The following PDZD2 variants were observed in gnomAD, a reference collection of about 807,000 sequenced individuals.
PDZD2 encodes PDZ domain containing 2, also known as PDZ domain-containing protein 2.
A neutral mutation model predicts 220.7 loss-of-function variants in PDZD2; 90 were observed. The observed-to-expected ratio is 0.41, with a 90% confidence interval of 0.34 to 0.49. The LOEUF is 0.49. PDZD2 is among the 20% of genes least tolerant of loss of function. PDZD2 has a pLI of 0.28. For synonymous variants in PDZD2, 1,375 were observed against 1,450.5 expected (o/e 0.95, Z 1.18); for missense variants, 3,174 against 3,608.5 (o/e 0.88, Z 3.08).
intron 2 of PDZD2, among the ~76,000 whole-genome samples, chr5:31,812,031 TAAATAAAA>T (rs1263783414): frequency 3.3e-4 from 48 of 143,892 alleles, no homozygotes; most frequent in Non-Finnish European, 4.6e-4. Context: ...AATAAATAAA[TAAATAAAA>T]ATTCAAGCTC....
At chr5:31,836,166 T>G (rs1756929474) in intron 2 of PDZD2, among the ~76,000 whole-genome samples, 1 of 152,050 alleles carries the variant, frequency 6.6e-6, no homozygotes, top group Admixed American at 6.6e-5. Context: ...AACAGCACAG[T>G]AATGGTATTT....
intron 14 of PDZD2, among the ~76,000 whole-genome samples, chr5:32,064,668 A>C (rs1740038463): frequency 6.6e-6 from 1 of 152,094 alleles, no homozygotes; most frequent in Non-Finnish European, 1.5e-5. Flanking sequence ...CCTTTCAGCA[A>C]CTCAAAATGT....
chr5:31,952,164 G>T (rs531435010), intron 2 of PDZD2, among the ~76,000 whole-genome samples: 20 of 152,322 alleles, frequency 1.3e-4, no homozygotes, highest in African/African-American at 4.8e-4. Flanking sequence ...ACTGTTTTCA[G>T]TTTAAAGTTG....
chr5:31,903,227 G>A (rs1742267970), intron 2 of PDZD2, among the ~76,000 whole-genome samples: 1 of 152,010 alleles, frequency 6.6e-6, no homozygotes, highest in Admixed American at 6.6e-5. Context: ...CCGGGAGGCA[G>A]AGGTTCCAGT....
intron 2 of PDZD2, among the ~76,000 whole-genome samples, chr5:31,853,932 G>C (rs1758209525): frequency 6.6e-6 from 1 of 152,174 alleles, no homozygotes; most frequent in Non-Finnish European, 1.5e-5. Flanking sequence ...TCAGGTCCCT[G>C]GGAGCTCCAC....
intron 19 of PDZD2, among the ~76,000 whole-genome samples, chr5:32,084,663 T>C (rs1233228591): frequency 6.6e-6 from 1 of 152,232 alleles, no homozygotes; most frequent in Non-Finnish European, 1.5e-5. Flanking sequence ...AGAGCTTTCA[T>C]GGAACTTCAT....
At chr5:31,793,889 C>T (rs1256195712) in intron 1 of PDZD2, among the ~76,000 whole-genome samples, 1 of 152,158 alleles carries the variant, frequency 6.6e-6, no homozygotes, top group Non-Finnish European at 1.5e-5. Flanking sequence ...GTTGTCTCTT[C>T]GTGCTAACTC....
intron 1 of PDZD2, among the ~76,000 whole-genome samples, chr5:31,718,299 A>G (rs1748570403): frequency 6.6e-6 from 1 of 152,138 alleles, no homozygotes; most frequent in Non-Finnish European, 1.5e-5. Flanking sequence ...GAATAAACTG[A>G]GGCAAGAGGC....
intron 2 of PDZD2, among the ~76,000 whole-genome samples, chr5:31,873,538 T>TTTAC (rs1213005893): frequency 1.2e-3 from 153 of 125,602 alleles, no homozygotes; most frequent in African/African-American, 5.9e-3. Context: ...ATTCTTTTTA[T>TTTAC]TTATTTATTT....
chr5:32,089,092 G>A lies in PDZD2; in HGVS notation c.5644G>A (p.Gly1882Ser). 6.2e-7 allele frequency: 1 copy of A among 1,614,050 alleles called. No individual in the cohort carries two copies. The highest frequency in any genetic ancestry group is 8.5e-7 in the Non-Finnish European group (1 of 1,180,008). ...LLTNGQKAKC[G>S]PKLKRLSLKG... ...GACTAATGGTCAGAAGGCAAAGTGT[G>A]GTCCGAAGCTGAAGAGGCTCAGCCT... Residue 1882 changes from glycine to serine, a missense_variant, in exon 20 of 25, where the codon GGT (glycine) becomes AGT (serine). Gly to Ser is a moderately conservative substitution (Grantham distance 56). Transcript: ENST00000438447.
chr5:31,822,265 C>T (rs10072103), intron 2 of PDZD2, among the ~76,000 whole-genome samples: 84,468 of 145,482 alleles, frequency 0.58, 24,940 homozygotes, highest in Non-Finnish European at 0.61. Flanking sequence ...CTTTTTTTCA[C>T]GCAATCTTTT....
rs1020575627 is a variant in PDZD2 at position 32,000,712 on chromosome 5, G to A, written c.1254+441G>A. On this transcript the variant is annotated intron_variant, in intron 5 of 24. Coordinates refer to ENST00000438447, the MANE Select transcript of PDZD2 (RefSeq NM_178140.4). The surrounding 1 kb of genome is among the most constrained non-coding windows in gnomAD (Gnocchi z 4.5). ...TTTTATAGAGATGGGGTTTCTCCAT[G>A]TTGGTCAGGCTGGTCTCAAACTCCT... is the stretch of plus-strand genomic sequence containing the variant. 2.6e-5 allele frequency among the ~76,000 whole-genome samples: 4 copies of A among 152,166 alleles called. No individual in the cohort carries two copies. The highest frequency in any genetic ancestry group is 6.5e-5 in the Admixed American group (1 of 15,272).
intron 2 of PDZD2, among the ~76,000 whole-genome samples, chr5:31,974,558 C>G (rs1749581653): frequency 6.6e-6 from 1 of 152,064 alleles, no homozygotes; most frequent in Non-Finnish European, 1.5e-5. Flanking sequence ...CGTAAGCTAC[C>G]AAGCTAATGC....
At chr5:31,880,357 C>A (rs1739755027) in intron 2 of PDZD2, among the ~76,000 whole-genome samples, 1 of 152,188 alleles carries the variant, frequency 6.6e-6, no homozygotes, top group Non-Finnish European at 1.5e-5. Context: ...TCCTTGAGGG[C>A]ATATCAAGAT....
At chr5:31,946,160 A>G (rs903090791) in intron 2 of PDZD2, among the ~76,000 whole-genome samples, 1 of 152,094 alleles carries the variant, frequency 6.6e-6, no homozygotes, top group African/African-American at 2.4e-5. Flanking sequence ...GCGCCACCAC[A>G]CCTGGTTAAT....
At chr5:31,845,326 A>C (rs909748012) in intron 2 of PDZD2, among the ~76,000 whole-genome samples, 3 of 152,222 alleles carry the variant, frequency 2.0e-5, no homozygotes, top group African/African-American at 7.2e-5. Context: ...ACGGATAATC[A>C]TTATGGGATT....
chr5:32,012,302 C>T (rs1165694819), intron 6 of PDZD2, among the ~76,000 whole-genome samples: 1 of 152,206 alleles, frequency 6.6e-6, no homozygotes, highest in Non-Finnish European at 1.5e-5. Context: ...TCTGCACCCC[C>T]TCTGCTGAGC....
At chr5:31,958,163 T>A (rs1260691141) in intron 2 of PDZD2, among the ~76,000 whole-genome samples, 1 of 152,250 alleles carries the variant, frequency 6.6e-6, no homozygotes, top group Non-Finnish European at 1.5e-5. Flanking sequence ...TTTTAGTAGC[T>A]CATCTTTGGT....
At chr5:31,714,301 G>T (rs1748309049) in intron 1 of PDZD2, among the ~76,000 whole-genome samples, 1 of 152,208 alleles carries the variant, frequency 6.6e-6, no homozygotes, top group Non-Finnish European at 1.5e-5. Context: ...CAGGCAACCA[G>T]GGCTGATGCA....
Sources: gnomAD v4.1 joint callset for allele counts (sites outside exome capture counted in the v4.1 genomes callset) on GRCh38, gnomAD v4.1.1 for gene constraint, Gnocchi (gnomAD v3.1) non-coding constraint, MANE v1.5 for transcripts, NCBI Gene and HGNC (gene_info 2026-07-23, HGNC 2026-07-21) for gene names.